Variants in SBNO2 observed in about 807,000 individuals in gnomAD.
The protein encoded by SBNO2 is strawberry notch homolog 2.
Under a neutral mutation model 146.3 loss-of-function variants are expected in SBNO2, and 89 were observed. That is an observed-to-expected ratio of 0.61 (90% CI 0.51 to 0.73). The LOEUF (loss-of-function observed/expected upper bound fraction) is 0.73. SBNO2 is among the 30% of genes least tolerant of loss of function. The probability of loss-of-function intolerance (pLI) is 0.00; values close to 1 mark genes in which losing one functional copy is unlikely to be tolerated. For missense variants in SBNO2, 2,092 were observed against 2,003.7 expected, an observed-to-expected ratio of 1.04 and a Z score of -0.84; for synonymous variants, 1,147 against 892.6, an observed-to-expected ratio of 1.29 and a Z score of -5.08.
At chr19:1,119,283 G>A (rs768972344) in intron 13 of SBNO2, 119 bp from the exon 14 acceptor site, 103 of 1,250,266 alleles carry the variant, frequency 8.2e-5, no homozygotes, top group Non-Finnish European at 1.1e-4. Context: ...AGCCCTGGCG[G>A]CCACTGAGGC....
chr19:1,122,366 G>A (rs1275536064), intron 10 of SBNO2, 84 bp from the exon 11 acceptor site: 5 of 1,516,480 alleles, frequency 3.3e-6, no homozygotes, highest in African/African-American at 1.4e-5. Flanking sequence ...AAGGGTGCTG[G>A]GCAGAGCCTG....
rs1313670740 is a variant in SBNO2 at position 1,108,276 on chromosome 19, G to A, written c.4045C>T (p.Arg1349Trp). 24 of 1,512,656 alleles carry A rather than the reference G, an allele frequency of 1.6e-5. No homozygotes were observed. Among genetic ancestry groups the A allele is most frequent in the Non-Finnish European group, 2.1e-5 (24 of 1,128,870 alleles). 93.7% of individuals were successfully genotyped at this position (1,512,656 alleles called of 1,614,324 possible). A position where few individuals can be genotyped will look rare whatever the true frequency, so the allele number is the denominator to read the frequency against. ...AGGAAGGGPE[R>W]QSVIQFSPPF... ...GGGCTGAACTGGATCACGCTCTGCC[G>A]CTCGGGACCACCGCCCGCCGCGCCC... The change falls in exon 32 of 32, where the codon CGG becomes TGG. Residue 1349 changes from arginine to tryptophan, a missense_variant. Arg to Trp is a moderately radical substitution (Grantham distance 101). Coordinates refer to ENST00000361757, the MANE Select transcript of SBNO2 (RefSeq NM_014963.3).
intron 4 of SBNO2, among the ~76,000 whole-genome samples, chr19:1,134,674 G>A (rs117326647): frequency 0.032 from 4,821 of 152,282 alleles, 122 homozygotes; most frequent in Non-Finnish European, 0.049. Context: ...GATGGGAACG[G>A]GGCTTCCTGT....
chr19:1,116,963 G>GCTGTGGGGCCT, intron 15 of SBNO2, 37 bp from the exon 16 acceptor site: 1 of 1,514,992 alleles, frequency 6.6e-7, no homozygotes, highest in South Asian at 1.2e-5. Flanking sequence ...CACCAGCCCT[G>GCTGTGGGGCCT]CTGTGGGGCC....
intron 4 of SBNO2, chr19:1,132,080 G>A (rs1255475201): frequency 6.5e-7 from 1 of 1,528,484 alleles, no homozygotes; most frequent in Non-Finnish European, 8.8e-7. Context: ...CCCCGGGAAG[G>A]GAGTGTTACC....
At chr19:1,114,172 C>G (rs2079802661) in intron 18 of SBNO2, 59 bp downstream of exon 18, 20 of 1,364,632 alleles carry the variant, frequency 1.5e-5, no homozygotes, top group Non-Finnish European at 1.9e-5. Context: ...GAGGTGGCTG[C>G]TCAGCCTGGA....
chr19:1,168,018 G>C (rs73509349), intron 1 of SBNO2, among the ~76,000 whole-genome samples: 7,308 of 152,178 alleles, frequency 0.048, 634 homozygotes, highest in African/African-American at 0.17. Context: ...AGCTGGGGGA[G>C]GGGGCCACAC....
intron 1 of SBNO2, among the ~76,000 whole-genome samples, chr19:1,170,882 A>G (rs564844122): frequency 7.6e-4 from 115 of 152,158 alleles, no homozygotes; most frequent in African/African-American, 2.7e-3. Context: ...CACAAAATAC[A>G]TGTGTGAGCA....
At chr19:1,114,993 G>A (rs1048137820) in intron 17 of SBNO2, among the ~76,000 whole-genome samples, 1 of 151,612 alleles carries the variant, frequency 6.6e-6, no homozygotes, top group African/African-American at 2.4e-5. Flanking sequence ...GCAGTGGTGC[G>A]ATCTCAGCTC....
intron 14 of SBNO2, among the ~76,000 whole-genome samples, chr19:1,118,591 C>T (rs1160096702): frequency 3.3e-5 from 5 of 151,700 alleles, no homozygotes; most frequent in African/African-American, 9.7e-5. Flanking sequence ...CAGTGATGGC[C>T]GGGCACGTGG....
chr19:1,151,151 A>G (rs1338317180), intron 2 of SBNO2, among the ~76,000 whole-genome samples: 1 of 152,256 alleles, frequency 6.6e-6, no homozygotes, highest in African/African-American at 2.4e-5. Flanking sequence ...TCCCAAGGCC[A>G]TGTGGCACAT....
intron 31 of SBNO2, 30 bp from the exon 32 acceptor site, chr19:1,108,734 G>T: frequency 6.3e-7 from 1 of 1,581,348 alleles, no homozygotes. Flanking sequence ...GTCAGGGCCG[G>T]CGCTGGGGGC....
At chr19:1,133,431 C>G (rs2080053991) in intron 4 of SBNO2, among the ~76,000 whole-genome samples, 2 of 152,144 alleles carry the variant, frequency 1.3e-5, no homozygotes, top group African/African-American at 4.8e-5. Context: ...AGGGGGCCCT[C>G]AAACCCTGTG....
At chr19:1,117,837 C>G (rs2079851653) in intron 14 of SBNO2, among the ~76,000 whole-genome samples, 1 of 152,244 alleles carries the variant, frequency 6.6e-6, no homozygotes, top group Non-Finnish European at 1.5e-5. Flanking sequence ...GTGATCCTGT[C>G]CAGGGGACAC....
chr19:1,120,072 C>T, intron 11 of SBNO2, 49 bp from the exon 12 acceptor site: 2 of 1,459,034 alleles, frequency 1.4e-6, no homozygotes, highest in African/African-American at 2.8e-5. Context: ...GGGGCGACCC[C>T]AGGAGCCCAG....
intron 6 of SBNO2, 112 bp downstream of exon 6, chr19:1,123,830 C>G: frequency 8.1e-7 from 1 of 1,238,278 alleles, no homozygotes; most frequent in Non-Finnish European, 1.1e-6. Context: ...ATGGGCACTC[C>G]CAGCTTCTAG....
At chr19:1,164,406 AGGAGGAGGAG>A in intron 1 of SBNO2, among the ~76,000 whole-genome samples, 1 of 121,104 alleles carries the variant, frequency 8.3e-6, no homozygotes, top group Middle Eastern at 4.1e-3. Flanking sequence ...GAGGAGGAGG[AGGAGGAGGAG>A]GAACAGGAGG....
At chr19:1,147,518 G>A (rs556096917) in intron 3 of SBNO2, 98 bp from the exon 4 acceptor site, 29 of 663,188 alleles carry the variant, frequency 4.4e-5, no homozygotes, top group Middle Eastern at 8.3e-4. Context: ...GAGGCCCCTC[G>A]AGGCCCCACT....
rs769286826 is a variant in SBNO2 at position 1,109,123 on chromosome 19, G to A, written c.3425+12C>T. On this transcript the variant is annotated intron_variant, in intron 30 of 31. Coordinates refer to ENST00000361757, the MANE Select transcript of SBNO2 (RefSeq NM_014963.3). This position sits in a 1 kb window ranked among gnomAD's most constrained non-coding sequence, Gnocchi z 4.2. ...TCTGCCGGTTTCCCCCTGGTCCCCG[G>A]CCCGCCCTCACCAGGCGCTGTGGCT... 5 of 1,549,674 alleles carry A rather than the reference G, an allele frequency of 3.2e-6. No individual in the cohort carries two copies. In the South Asian group the frequency reaches 5.9e-5, roughly 18 times the overall value.
Sources: allele counts gnomAD v4.1 joint callset (sites outside exome capture counted in the v4.1 genomes callset), GRCh38; gene constraint gnomAD v4.1.1; non-coding constraint Gnocchi (gnomAD v3.1); transcripts MANE v1.5; gene names NCBI Gene and HGNC (gene_info 2026-07-23, HGNC 2026-07-21).